Variants in SAMD4A observed in about 807,000 individuals in gnomAD.
The protein encoded by SAMD4A is protein Smaug homolog 1.
Under a neutral mutation model 81.3 loss-of-function variants are expected in SAMD4A, and 33 were observed. The observed-to-expected ratio is 0.41, with a 90% CI of 0.31 to 0.54. The LOEUF (loss-of-function observed/expected upper bound fraction) is 0.54. SAMD4A is among the 20% of genes least tolerant of loss of function. The pLI is 0.37. For missense variants in SAMD4A, 854 were observed against 951.1 expected (o/e 0.90, Z 1.34); for synonymous variants, 389 against 382.1 (o/e 1.02, Z -0.21).
intron 2 of SAMD4A, among the ~76,000 whole-genome samples, chr14:54,660,733 A>G (rs973388552): frequency 1.3e-5 from 2 of 152,242 alleles, no homozygotes; most frequent in African/African-American, 4.8e-5. Context: ...TTTTAACAGC[A>G]GCCCCCTTGA....
chr14:54,770,043 A>G (rs1594922585), intron 8 of SAMD4A, 61 bp from the exon 9 acceptor site: 2 of 1,043,928 alleles, frequency 1.9e-6, no homozygotes, highest in East Asian at 2.4e-5. Context: ...TATTAATTGC[A>G]TGTTTCTCCC....
chr14:54,615,887 T>C (rs1555336642), intron 2 of SAMD4A, among the ~76,000 whole-genome samples: 2 of 150,476 alleles, frequency 1.3e-5, no homozygotes, highest in Admixed American at 1.3e-4. Context: ...GACCCTCCCC[T>C]CCCCCCCGAT....
In SAMD4A at chr14:54,737,252, G is replaced by T; in HGVS notation, c.944G>T (p.Arg315Leu). Residue 315 changes from arginine (R) to leucine (L), a missense_variant, in exon 4 of 13, where the codon CGT (arginine) becomes CTT (leucine). By Grantham distance (102) the Arg-to-Leu change is moderately radical. Around this residue, in one of 3 missense-constraint regions of SAMD4A, gnomAD observed 387 missense variants for 405.8 expected, o/e 0.95. Transcript: ENST00000554335. ...CACTTAGAAGATCAGACCACTGCTC[G>T]TAACACATTCCAAGAAGAAGGTAGT... Reference protein sequence around the residue: ...SEHLEDQTTARNTFQEEGSGM... With the variant: ...SEHLEDQTTALNTFQEEGSGM... 1 of 1,614,036 alleles carries T rather than the reference G, an allele frequency of 6.2e-7. No individual in the cohort carries two copies. The highest frequency in any genetic ancestry group is 8.5e-7 in the Non-Finnish European group (1 of 1,180,014).
chr14:54,764,842 C>A (rs1017174358), intron 8 of SAMD4A, among the ~76,000 whole-genome samples: 4 of 152,172 alleles, frequency 2.6e-5, no homozygotes, highest in African/African-American at 9.7e-5. Flanking sequence ...AACACATGAG[C>A]CCTGCTGCTT....
chr14:54,719,130 CT>C, intron 3 of SAMD4A, among the ~76,000 whole-genome samples: 1 of 152,226 alleles, frequency 6.6e-6, no homozygotes, highest in South Asian at 2.1e-4. Context: ...ATCCTCCAGA[CT>C]GACAAGGATT....
At chr14:54,592,739 G>A (rs565643683) in intron 2 of SAMD4A, among the ~76,000 whole-genome samples, 24 of 152,308 alleles carry the variant, frequency 1.6e-4, no homozygotes, top group African/African-American at 5.5e-4. Flanking sequence ...GATTACAGGC[G>A]TGAGCCACCG....
At chr14:54,713,748 A>G (rs1372681966) in intron 3 of SAMD4A, among the ~76,000 whole-genome samples, 1 of 146,824 alleles carries the variant, frequency 6.8e-6, no homozygotes, top group Non-Finnish European at 1.5e-5. Flanking sequence ...ACAGTAAGAC[A>G]TTGCTATATA....
rs985166785 is a variant in SAMD4A at position 54,774,928 on chromosome 14, T to G, written c.1716-6T>G. 6.2e-7 allele frequency: 1 copy of G among 1,614,044 alleles called. No individual in the cohort carries two copies. The highest frequency in any genetic ancestry group is 8.5e-7 in the Non-Finnish European group (1 of 1,179,990). On this transcript the variant is annotated splice_polypyrimidine_tract_variant and splice_region_variant and intron_variant, in intron 9 of 12. Coordinates refer to ENST00000554335, the MANE Select transcript of SAMD4A (RefSeq NM_015589.6). ...TATTCTCTTCCTTCTCTCTTGGCTC[T>G]CACAGTCGAGGCTTTGGGCAATCCA...
chr14:54,565,716 CCCCG>C (rs1476872757), upstream of SAMD4A, among the ~76,000 whole-genome samples: 185 of 152,274 alleles, frequency 1.2e-3, no homozygotes, highest in Admixed American at 7.9e-3. This position sits in a 1 kb window ranked among gnomAD's most constrained non-coding sequence, Gnocchi z 5.4. Flanking sequence ...GCAGCACCGC[CCCCG>C]CCCGAGCGCC....
At chr14:54,701,845 A>G (rs1264671064) in intron 2 of SAMD4A, among the ~76,000 whole-genome samples, 2 of 152,340 alleles carry the variant, frequency 1.3e-5, no homozygotes, top group East Asian at 3.9e-4. Context: ...TTGATTGAGT[A>G]CTCAATATCT....
chr14:54,620,271 A>G (rs2034584928), intron 2 of SAMD4A, among the ~76,000 whole-genome samples: 1 of 152,202 alleles, frequency 6.6e-6, no homozygotes, highest in South Asian at 2.1e-4. Flanking sequence ...ACCCCCTCAT[A>G]GGGTTGTTTT....
chr14:54,736,473 C>T (rs886227947), intron 3 of SAMD4A, among the ~76,000 whole-genome samples: 9 of 152,214 alleles, frequency 5.9e-5, no homozygotes, highest in African/African-American at 2.2e-4. Flanking sequence ...CCATACCACC[C>T]TGCAGAGGCC....
At position 54,692,262 on chromosome 14, in the gene SAMD4A, A is replaced by C. The variant is rs374991939; in HGVS notation, c.197-9800A>C. Among the ~76,000 whole-genome samples the C allele has an allele frequency of 8.5e-5, 13 of 152,284 alleles. 1 individual carries two copies. The highest frequency in any genetic ancestry group is 2.6e-4 in the African/African-American group (11 of 41,558). ...GGATGTGTGCACTCCAGCCCTTCCC[A>C]GACTTCCTGAGGTGTATAAACCTGT... On this transcript the variant is annotated intron_variant, in intron 2 of 12. Transcript: ENST00000554335.
intron 3 of SAMD4A, among the ~76,000 whole-genome samples, chr14:54,716,466 A>G (rs1461615305): frequency 6.6e-6 from 1 of 152,286 alleles, no homozygotes; most frequent in East Asian, 1.9e-4. Flanking sequence ...CAAAACACAT[A>G]TTACAGAGGT....
At chr14:54,653,002 A>G (rs1398665576) in intron 2 of SAMD4A, among the ~76,000 whole-genome samples, 2 of 151,950 alleles carry the variant, frequency 1.3e-5, no homozygotes, top group South Asian at 2.1e-4. Flanking sequence ...GCCGTCCACT[A>G]TGAACCTCAC....
At chr14:54,694,620 C>T in intron 2 of SAMD4A, 1 of 985,588 alleles carries the variant, frequency 1.0e-6, no homozygotes. Context: ...TGTCTGCATA[C>T]TCATGGGCCA....
intron 11 of SAMD4A, among the ~76,000 whole-genome samples, chr14:54,776,855 AGTGTGTGTGTGTGT>A (rs34095224): frequency 8.0e-5 from 12 of 149,968 alleles, no homozygotes; most frequent in Middle Eastern, 3.5e-3. Flanking sequence ...CTCCATGTGT[AGTGTGTGTGTGTGT>A]GTGTGTGTGT....
chr14:54,773,792 C>T (rs1427962919), intron 9 of SAMD4A, among the ~76,000 whole-genome samples: 1 of 152,244 alleles, frequency 6.6e-6, no homozygotes, highest in Non-Finnish European at 1.5e-5. Flanking sequence ...TCAGCTCTCC[C>T]ATTTGAGGAT....
chr14:54,645,595 T>C (rs535946948), intron 2 of SAMD4A, among the ~76,000 whole-genome samples: 1 of 152,348 alleles, frequency 6.6e-6, no homozygotes, highest in East Asian at 1.9e-4. Context: ...CACTAAAATA[T>C]GAATAAGGCA....
Sources: gnomAD v4.1 joint callset for allele counts (sites outside exome capture counted in the v4.1 genomes callset) on GRCh38, gnomAD v4.1.1 for gene constraint, gnomAD v4.1.1 regional missense constraint, Gnocchi (gnomAD v3.1) non-coding constraint, MANE v1.5 for transcripts, NCBI Gene and HGNC (gene_info 2026-07-23, HGNC 2026-07-21) for gene names.